The following TTN variants were observed in gnomAD, a reference collection of about 807,000 sequenced individuals.
TTN encodes the protein titin, also known as connectin.
A neutral mutation model predicts 3,223.0 loss-of-function variants in TTN; 1,525 were observed. The ratio of observed to expected loss-of-function variants is 0.47; its 90% CI spans 0.45 to 0.49. The LOEUF is 0.49. Among genes scored for constraint, TTN ranks in the 20% least tolerant of loss-of-function variants. The probability of loss-of-function intolerance (pLI) is 0.00; values close to 1 mark genes in which losing one functional copy is unlikely to be tolerated. For synonymous variants in TTN, 14,094 were observed against 15,161.0 expected, an observed-to-expected ratio of 0.93 and a Z score of 5.17; for missense variants, 40,786 against 43,424.0, an observed-to-expected ratio of 0.94 and a Z score of 5.40.
intron 24 of TTN, chr2:178,778,367 T>C (rs10221590): frequency 0.05 from 13,763 of 273,544 alleles, 674 homozygotes; most frequent in Admixed American, 0.14. Context: ...AAATAAAAAA[T>C]ACACATTCTT....
At position 178,785,648 on chromosome 2, in the gene TTN, G is replaced by T; in HGVS notation, c.2465C>A (p.Ser822Tyr). The T allele has an allele frequency of 6.2e-7, 1 of 1,614,144 alleles. No homozygotes were observed. The highest frequency in any genetic ancestry group is 8.5e-7 in the Non-Finnish European group (1 of 1,179,990). ...ATATCCATGTTCTGTCTTAGGAACA[G>T]AAATTTTTGAAACAGTAAAGTGAGG... ...ASPHFTVSKI[S>Y]VPKTEHGYEA... Residue 822 changes from serine (S) to tyrosine (Y), a missense_variant, in exon 15 of 363, where the codon TCT becomes TAT. Transcript: ENST00000589042.
intron 326 of TTN, chr2:178,558,994 TACAC>T (rs1702565660): frequency 3.2e-6 from 1 of 316,262 alleles, no homozygotes; most frequent in Non-Finnish European, 5.7e-6. Flanking sequence ...ATATATGTCA[TACAC>T]ACATACTATA....
chr2:178,663,520 G>T lies in TTN; in HGVS notation c.36533-4C>A. 1 of 1,613,192 alleles carries T rather than the reference G, an allele frequency of 6.2e-7. No individual in the cohort carries two copies. On this transcript the variant is annotated splice_polypyrimidine_tract_variant and splice_region_variant and intron_variant, in intron 171 of 362. Transcript: ENST00000589042. Reference sequence around the variant, plus strand: ...ACTTCTTTGGGAGCCTCAGGCACTTGAAAGATATTAGTGAAATTACATTTA... The same window carrying T: ...ACTTCTTTGGGAGCCTCAGGCACTTTAAAGATATTAGTGAAATTACATTTA...
At position 178,587,525 on chromosome 2, in the gene TTN, T is replaced by C; in HGVS notation, c.63784A>G (p.Arg21262Gly). Residue 21262 changes from arginine to glycine, a missense_variant, in exon 306 of 363, where the codon AGA becomes GGA. Coordinates refer to ENST00000589042, the MANE Select transcript of TTN (RefSeq NM_001267550.2). ...CATTTTAGTAACCCACCTAATACTC[T>C]GACATTTACGAATACAGCCTTTTCT... is the stretch of plus-strand genomic sequence containing the variant. ...AGEKAVFVNV[R>G]VLDTPGPVSD... 1 of 1,609,190 alleles carries C rather than the reference T, an allele frequency of 6.2e-7. No homozygotes were observed. Among genetic ancestry groups the C allele is most frequent in the Non-Finnish European group, 8.5e-7 (1 of 1,177,306 alleles).
rs1195076767 is a variant in TTN at position 178,764,322 on chromosome 2, G to T, written c.9989-20C>A. 6.2e-7 allele frequency: 1 copy of T among 1,613,274 alleles called. No individual in the cohort carries two copies. The highest frequency in any genetic ancestry group is 1.3e-5 in the African/African-American group (1 of 74,890). On this transcript the variant is annotated intron_variant, in intron 42 of 362. Transcript: ENST00000589042. ...CTGGAACTAAAGAAAGAAACCACAA[G>T]ATTTGTCATGATTAAGTCACCATAG...
intron 11 of TTN, 71 bp from the exon 12 acceptor site, chr2:178,790,186 C>T (rs1217068627): frequency 8.5e-6 from 13 of 1,531,804 alleles, no homozygotes; most frequent in Non-Finnish European, 1.1e-5. Flanking sequence ...AAACGTAAGT[C>T]AAAAAGAAAG....
chr2:178,552,479 C>T lies in TTN; in HGVS notation c.90421G>A (p.Val30141Ile). The T allele has an allele frequency of 1.2e-6, 2 of 1,611,836 alleles. No homozygotes were observed. Among genetic ancestry groups the T allele is most frequent in the South Asian group, 1.1e-5 (1 of 91,020 alleles). Reference sequence around the variant, plus strand: ...ACATTGTGCCCAATTCTCACAGTGACTTGTGCCCCAGGGATATCTGACAGG... The same window carrying T: ...ACATTGTGCCCAATTCTCACAGTGATTTGTGCCCCAGGGATATCTGACAGG... ...VDLSDIPGAQ[V>I]TVRIGHNVHL... Residue 30141 changes from valine to isoleucine, a missense_variant, in exon 335 of 363, where the codon GTC becomes ATC. By Grantham distance (29) the Val-to-Ile change is conservative (BLOSUM62 3). Transcript: ENST00000589042.
rs1182145400 is a variant in TTN at position 178,547,085 on chromosome 2, C to G, written c.94440G>C (p.Gln31480His). Residue 31480 changes from glutamine to histidine, a missense_variant, in exon 340 of 363, where the codon CAG (glutamine) becomes CAC (histidine). By Grantham distance (24) the Gln-to-His change is conservative. Coordinates refer to ENST00000589042, the MANE Select transcript of TTN (RefSeq NM_001267550.2). The part of the protein sequence containing the change: ...VTGLVEGLEY[Q>H]FRTYALNAAG... The stretch of plus-strand genomic sequence containing the variant: ...CAGCATTGAGTGCATAAGTTCTGAA[C>G]TGATATTCCAGTCCTTCTACTAAAC... 6.2e-7 allele frequency: 1 copy of G among 1,613,828 alleles called. No individual in the cohort carries two copies. The highest frequency in any genetic ancestry group is 2.2e-5 in the East Asian group (1 of 44,870).
rs1246812610 is a variant in TTN, at chr2:178,572,518, G to T, written c.73614C>A (p.Leu24538=). Residue 24538 remains leucine (L), a synonymous_variant, in exon 326 of 363, where the codon CTC becomes CTA. Transcript: ENST00000589042. The part of the protein sequence containing the change: ...VKEVTKTSVT[L]TWDPPLLDGG... ...CATCAAGGAGAGGTGGGTCCCATGT[G>T]AGTGTGACAGATGTCTTAGTGACCT... The T allele has an allele frequency of 6.2e-7, 1 of 1,613,420 alleles. No individual in the cohort carries two copies. Among genetic ancestry groups the T allele is most frequent in the Non-Finnish European group, 8.5e-7 (1 of 1,179,604 alleles).
rs869312119 is a variant in TTN at position 178,561,756 on chromosome 2, G to A, written c.84376C>T (p.Gln28126Ter). 6.2e-7 allele frequency: 1 copy of A among 1,613,600 alleles called. No homozygotes were observed. Among genetic ancestry groups the A allele is most frequent in the Non-Finnish European group, 8.5e-7 (1 of 1,179,696 alleles). Residue 28126 changes from glutamine to a stop codon, truncating the protein, a stop_gained, in exon 326 of 363, where the codon CAG becomes TAG. Coordinates refer to ENST00000589042, the MANE Select transcript of TTN (RefSeq NM_001267550.2). LOFTEE classifies it high-confidence loss of function. ...CGGTTTTCTGCACAAACACGGAACT[G>A]ATACTCACTTCCTGTTGTCAGGCGA... ...IVRLTTGSEYQFRVCAENRYG... is the reference protein window; with the variant it reads ...IVRLTTGSEY
chr2:178,600,094 A>G (rs1038627504), intron 288 of TTN, among the ~76,000 whole-genome samples: 1 of 151,972 alleles, frequency 6.6e-6, no homozygotes, highest in African/African-American at 2.4e-5. Context: ...TTTATTTGGC[A>G]TCATTATGCA....
At chr2:178,693,782 G>T in intron 118 of TTN, 93 bp from the exon 119 acceptor site, 1 of 1,237,784 alleles carries the variant, frequency 8.1e-7, no homozygotes, top group Non-Finnish European at 1.1e-6. Context: ...TGAAAACAGA[G>T]ACAAACATGA....
chr2:178,748,535 T>C, intron 47 of TTN: 1 of 1,613,100 alleles, frequency 6.2e-7, no homozygotes, highest in South Asian at 1.1e-5. Context: ...TATATGAGAA[T>C]ACATTTGTTT....
In TTN at chr2:178,712,564, C is replaced by A; in HGVS notation, c.27358G>T (p.Asp9120Tyr). 6.2e-7 allele frequency: 1 copy of A among 1,612,706 alleles called. No individual in the cohort carries two copies. The highest frequency in any genetic ancestry group is 8.5e-7 in the Non-Finnish European group (1 of 1,179,216). The part of the protein sequence containing the change: ...APAKFVKRLN[D>Y]YSIEKGKPLI... ...GGTTTTCCTTTCTCTATGCTGTAAT[C>A]ATTCAGCCTCTTCACAAATTTGGCT... Residue 9120 changes from aspartate (D) to tyrosine (Y), a missense_variant, in exon 95 of 363, where the codon GAT becomes TAT. Asp to Tyr is a radical substitution (Grantham distance 160). Transcript: ENST00000589042.
In TTN at chr2:178,637,030, T is replaced by C. The variant is rs1486784668; in HGVS notation, c.40928-231A>G. ...ATGTCCCTTTTCTCAAGTTTTAATC[T>C]GAAGTATAAAATAGCCAGATTAATG... On this transcript the variant is annotated intron_variant, in intron 224 of 362. Transcript: ENST00000589042. Among the ~76,000 whole-genome samples the C allele has an allele frequency of 3.3e-5, 5 of 151,392 alleles. No individual in the cohort carries two copies. In the East Asian group the frequency reaches 9.8e-4, roughly 30 times the overall value.
chr2:178,565,047 T>G lies in TTN; in HGVS notation c.81085A>C (p.Arg27029=). ...AGTTTGGTTATTTTAATTGTTGTTC[T>G]TGCAACTGTTGCTGATACCATGTGC... The part of the protein sequence containing the change: ...TWHMVSATVA[R]TTIKITKLKT... Residue 27029 remains arginine (R), a synonymous_variant, in exon 326 of 363, where the codon AGA becomes CGA. Transcript: ENST00000589042. The G allele has an allele frequency of 6.2e-7, 1 of 1,613,674 alleles. No individual in the cohort carries two copies. The highest frequency in any genetic ancestry group is 8.5e-7 in the Non-Finnish European group (1 of 1,179,696).
In TTN at chr2:178,539,066, A is replaced by T; in HGVS notation, c.98869T>A (p.Tyr32957Asn). The T allele has an allele frequency of 6.2e-7, 1 of 1,613,760 alleles. No homozygotes were observed. Among genetic ancestry groups the T allele is most frequent in the Non-Finnish European group, 8.5e-7 (1 of 1,179,736 alleles). ...TCGGGAACAAGCCCTGTGACAGTGT[A>T]CATTGTGGTGGTGATCTGAGTCTTG... is the stretch of plus-strand genomic sequence containing the variant. Reference protein sequence around the residue: ...HNKTQITTTMYTVTGLVPDAE... With the variant: ...HNKTQITTTMNTVTGLVPDAE... The change falls in exon 353 of 363, where the codon TAC (tyrosine) becomes AAC (asparagine). Residue 32957 changes from tyrosine (Y) to asparagine (N), a missense_variant. Transcript: ENST00000589042.
chr2:178,710,927 T>C lies in TTN; in HGVS notation c.28175-5A>G. ...AGAAGGGTGGGTTCTTCCCCTCTAA[T>C]AGTAGAGCAGAAAGACAAGGTTTCA... On this transcript the variant is annotated splice_region_variant and splice_polypyrimidine_tract_variant and intron_variant, in intron 97 of 362. Transcript: ENST00000589042. 1 of 1,607,428 alleles carries C rather than the reference T, an allele frequency of 6.2e-7. No individual in the cohort carries two copies.
In TTN at chr2:178,568,906, A is replaced by C. The variant is rs753101927; in HGVS notation, c.77226T>G (p.Ser25742Arg). 1.2e-6 allele frequency: 2 copies of C among 1,613,208 alleles called. No homozygotes were observed. The highest frequency in any genetic ancestry group is 1.7e-6 in the Non-Finnish European group (2 of 1,179,514). The stretch of plus-strand genomic sequence containing the variant: ...CTCGAGCACACTCTGACCATTTCTC[A>C]CTGTGTTTAGCTTGCATTTCCACAA... ...QYIVEMQAKHSEKWSECARVK... is the reference protein window; with the variant it reads ...QYIVEMQAKHREKWSECARVK... Residue 25742 changes from serine (S) to arginine (R), a missense_variant, in exon 326 of 363, where the codon AGT becomes AGG. By Grantham distance (110) the Ser-to-Arg change is moderately radical. Transcript: ENST00000589042.
Sources: gnomAD v4.1 joint callset for allele counts (sites outside exome capture counted in the v4.1 genomes callset) on GRCh38, gnomAD v4.1.1 for gene constraint, MANE v1.5 for transcripts, NCBI Gene and HGNC (gene_info 2026-07-23, HGNC 2026-07-21) for gene names.